GPR137B: variants seen among roughly 807,000 people sequenced by gnomAD.
GPR137B encodes G protein-coupled receptor 137B, also known as integral membrane protein GPR137B.
GPR137B carries 42 observed loss-of-function variants against 42.5 expected under a neutral mutation model. The ratio of observed to expected loss-of-function variants is 0.99; its 90% CI spans 0.77 to 1.28. GPR137B has a LOEUF of 1.28. GPR137B is among the 50% of genes most tolerant of loss of function. GPR137B has a pLI of 0.00. For synonymous variants in GPR137B, 218 were observed against 209.7 expected, an observed-to-expected ratio of 1.04 and a Z score of -0.34; for missense variants, 487 against 493.9, an observed-to-expected ratio of 0.99 and a Z score of 0.13.
intron 1 of GPR137B, among the ~76,000 whole-genome samples, chr1:236,146,583 G>A (rs891733490): frequency 2.6e-5 from 4 of 152,266 alleles, no homozygotes; most frequent in South Asian, 2.1e-4. Flanking sequence ...ACTGAGGCTC[G>A]GAGGGGTGAG....
At position 236,163,526 on chromosome 1, in the gene GPR137B, C is replaced by T. The variant is rs530121168; in HGVS notation, c.415-5180C>T. On this transcript the variant is annotated intron_variant, in intron 1 of 6. Coordinates refer to ENST00000366592, the MANE Select transcript of GPR137B (RefSeq NM_003272.4). ...AAATCTCAACTTGAATTGTATCTCC[C>T]GGAATTCCCATGTGTTGTGGGAGGG... Among the ~76,000 whole-genome samples the T allele has an allele frequency of 7.4e-4, 112 of 152,216 alleles. 1 individual carries two copies. Among genetic ancestry groups the T allele is most frequent in the South Asian group, 3.7e-3 (18 of 4,816 alleles).
At chr1:236,154,828 A>C (rs1558479822) in intron 1 of GPR137B, among the ~76,000 whole-genome samples, 1 of 152,044 alleles carries the variant, frequency 6.6e-6, no homozygotes, top group African/African-American at 2.4e-5. Flanking sequence ...ACACTGCCGC[A>C]CGTGGCCCGG....
intron 2 of GPR137B, among the ~76,000 whole-genome samples, chr1:236,169,067 T>A (rs1477327879): frequency 6.6e-6 from 1 of 152,250 alleles, no homozygotes; most frequent in Admixed American, 6.5e-5. Flanking sequence ...TAAACCTTCC[T>A]GAGGCACTTG....
At chr1:236,199,108 C>T (rs1358478988) in intron 5 of GPR137B, among the ~76,000 whole-genome samples, 1 of 152,068 alleles carries the variant, frequency 6.6e-6, no homozygotes, top group African/African-American at 2.4e-5. Context: ...TAGTCCTAAA[C>T]AGATGCTGGA....
chr1:236,207,089 T>C lies in GPR137B; in HGVS notation c.1092-961T>C, dbSNP rs1546812. On this transcript the variant is annotated intron_variant, in intron 6 of 6. Transcript: ENST00000366592. Reference sequence around the variant, plus strand: ...CCTTGTTAGTAACAGTGAAAGTCTTTAGAAAACTTTTTAAGAGAGCTCTGA... The same window carrying C: ...CCTTGTTAGTAACAGTGAAAGTCTTCAGAAAACTTTTTAAGAGAGCTCTGA... 4.8e-3 allele frequency: 4,509 copies of C among 947,368 alleles called. 91 individuals carry two copies. The highest frequency in any genetic ancestry group is 0.047 in the African/African-American group (2,666 of 56,666). The allele number at this position is 947,368 out of a possible 1,614,324, so 58.7% of individuals were successfully genotyped here. A position where few individuals can be genotyped will look rare whatever the true frequency, so the allele number is the denominator to read the frequency against.
At chr1:236,186,993 A>G (rs1663054670) in intron 5 of GPR137B, among the ~76,000 whole-genome samples, 1 of 152,172 alleles carries the variant, frequency 6.6e-6, no homozygotes, top group South Asian at 2.1e-4. Context: ...CTGTTTCTCC[A>G]TGTCCTCTCC....
chr1:236,186,338 T>A (rs1351235210), intron 5 of GPR137B, among the ~76,000 whole-genome samples: 7 of 93,156 alleles, frequency 7.5e-5, no homozygotes, highest in Admixed American at 3.0e-4. Flanking sequence ...TATAATTATA[T>A]ATATTATATA....
At chr1:236,184,904 A>C (rs1207247722) in intron 5 of GPR137B, among the ~76,000 whole-genome samples, 1 of 151,900 alleles carries the variant, frequency 6.6e-6, no homozygotes, top group Non-Finnish European at 1.5e-5. Flanking sequence ...GTAGCTGGGA[A>C]TACAGATGCA....
At chr1:236,193,781 T>C (rs1663262463) in intron 5 of GPR137B, among the ~76,000 whole-genome samples, 1 of 152,250 alleles carries the variant, frequency 6.6e-6, no homozygotes, top group Non-Finnish European at 1.5e-5. Context: ...AAGTCCCTTG[T>C]CAGGTATATG....
chr1:236,193,085 G>A (rs1486166982), intron 5 of GPR137B, among the ~76,000 whole-genome samples: 2 of 151,666 alleles, frequency 1.3e-5, no homozygotes, highest in East Asian at 1.9e-4. Flanking sequence ...AGTAGAGATG[G>A]GGTTTCATTA....
intron 4 of GPR137B, among the ~76,000 whole-genome samples, chr1:236,181,185 T>C (rs1662864196): frequency 6.6e-6 from 1 of 152,204 alleles, no homozygotes; most frequent in African/African-American, 2.4e-5. Context: ...TGCAATATGA[T>C]ACTCTTTTTA....
intron 2 of GPR137B, among the ~76,000 whole-genome samples, chr1:236,178,191 C>G (rs1303632352): frequency 6.6e-6 from 1 of 152,142 alleles, no homozygotes; most frequent in Non-Finnish European, 1.5e-5. Context: ...CTCACAACAT[C>G]CCACAGATGG....
chr1:236,164,528 G>A (rs527708111), intron 1 of GPR137B, among the ~76,000 whole-genome samples: 24 of 152,332 alleles, frequency 1.6e-4, no homozygotes, highest in Admixed American at 8.5e-4. Context: ...GAGCCCAGCC[G>A]GCCAGAGAGC....
intron 5 of GPR137B, among the ~76,000 whole-genome samples, chr1:236,184,934 T>C (rs1361052480): frequency 6.6e-6 from 1 of 151,992 alleles, no homozygotes; most frequent in Non-Finnish European, 1.5e-5. Flanking sequence ...GCCTGGGTAA[T>C]TTTTGTATTT....
In GPR137B at chr1:236,161,446, C is replaced by T. The variant is rs543230539; in HGVS notation, c.415-7260C>T. On this transcript the variant is annotated intron_variant, in intron 1 of 6. Transcript: ENST00000366592. ...CCCACGCCTCCATGCACTTTTCACA[C>T]CTCCACACATCACATCTCCTCACAC... Among the ~76,000 whole-genome samples, 54 of 152,182 alleles carry T rather than the reference C, an allele frequency of 3.5e-4. 2 individuals carry two copies. In the South Asian group the frequency reaches 0.011, roughly 30 times the overall value.
intron 4 of GPR137B, among the ~76,000 whole-genome samples, chr1:236,181,051 G>GT (rs1041879566): frequency 1.1e-4 from 16 of 151,656 alleles, no homozygotes; most frequent in Admixed American, 2.0e-4. Context: ...GAATGTTTTT[G>GT]TTTTTTTTGT....
At chr1:236,192,377 A>G (rs547824096) in intron 5 of GPR137B, among the ~76,000 whole-genome samples, 14 of 141,202 alleles carry the variant, frequency 9.9e-5, no homozygotes, top group Non-Finnish European at 1.4e-4. Flanking sequence ...GGGTATGGGG[A>G]AAAAAAAAAA....
chr1:236,198,143 A>G (rs1196996032), intron 5 of GPR137B, among the ~76,000 whole-genome samples: 1 of 152,124 alleles, frequency 6.6e-6, no homozygotes, highest in Admixed American at 6.5e-5. Flanking sequence ...TGCTTTGGCT[A>G]TGCACGATCT....
Position 236,191,300 on chromosome 1 carries a change from C to T in GPR137B, c.966+7394C>T, listed in dbSNP as rs550164737. Among the ~76,000 whole-genome samples, 7 of 152,204 alleles carry T rather than the reference C, an allele frequency of 4.6e-5. No individual in the cohort carries two copies. The South Asian group carries it at 6.2e-4, about 14-fold the overall frequency. Reference sequence around the variant, plus strand: ...TGGGTTAGAACATGCTTCTTTAGCTCGGAGGAGTTTATTATTACCCACCTT... The same window carrying T: ...TGGGTTAGAACATGCTTCTTTAGCTTGGAGGAGTTTATTATTACCCACCTT... On this transcript the variant is annotated intron_variant, in intron 5 of 6. Transcript: ENST00000366592.
Sources: gnomAD v4.1 joint callset for allele counts (sites outside exome capture counted in the v4.1 genomes callset) on GRCh38, gnomAD v4.1.1 for gene constraint, MANE v1.5 for transcripts, NCBI Gene and HGNC (gene_info 2026-07-23, HGNC 2026-07-21) for gene names.